The following MMP16 variants were observed in gnomAD, a reference collection of about 807,000 sequenced individuals.
MMP16 encodes matrix metallopeptidase 16.
A neutral mutation model predicts 67.8 loss-of-function variants in MMP16; 12 were observed. The observed-to-expected ratio is 0.18, with a 90% CI of 0.11 to 0.29. The LOEUF (loss-of-function observed/expected upper bound fraction) is 0.29, where lower values mean the gene tolerates loss of function less well. Among genes scored for constraint, MMP16 ranks in the 10% least tolerant of loss-of-function variants. The probability of loss-of-function intolerance (pLI) is 1.00; values close to 1 mark genes in which losing one functional copy is unlikely to be tolerated. For missense variants in MMP16, 475 were observed against 765.7 expected (o/e 0.62, Z 4.48); for synonymous variants, 249 against 255.9 (o/e 0.97, Z 0.26).
chr8:88,279,020 G>A (rs562341386), intron 1 of MMP16, among the ~76,000 whole-genome samples: 19 of 152,084 alleles, frequency 1.2e-4, no homozygotes, highest in African/African-American at 2.9e-4. Context: ...TCAAGAGATC[G>A]AGACCATCCT....
chr8:88,149,843 C>T (rs1168541870), intron 4 of MMP16, among the ~76,000 whole-genome samples: 27 of 150,334 alleles, frequency 1.8e-4, no homozygotes, highest in African/African-American at 5.1e-4. Context: ...TCACCAGCAA[C>T]GGAACAAAGC....
chr8:88,177,652 T>G (rs981781694), intron 3 of MMP16, among the ~76,000 whole-genome samples: 3 of 152,308 alleles, frequency 2.0e-5, no homozygotes, highest in African/African-American at 7.2e-5. Context: ...TTCTCCATAA[T>G]AAACGCCAGT....
chr8:88,193,471 G>A lies in MMP16; in HGVS notation c.281+3687C>T, dbSNP rs888945255. 2.0e-5 allele frequency among the ~76,000 whole-genome samples: 3 copies of A among 152,090 alleles called. 1 individual carries two copies. Among genetic ancestry groups the A allele is most frequent in the Admixed American group, 2.0e-4 (3 of 15,252 alleles). The stretch of plus-strand genomic sequence containing the variant: ...AGGGAGGTGGGGATAAAGAGAAGGG[G>A]TGGCTAATGGGTACAAAATGTAGTT... On this transcript the variant is annotated intron_variant, in intron 2 of 9. Coordinates refer to ENST00000286614, the MANE Select transcript of MMP16 (RefSeq NM_005941.5).
Position 88,041,411 on chromosome 8 carries a change from C to T in MMP16, c.*50G>A. 1.2e-5 allele frequency: 18 copies of T among 1,552,104 alleles called. No homozygotes were observed. The highest frequency in any genetic ancestry group is 1.5e-5 in the Non-Finnish European group (17 of 1,140,986). ...GCATAACAGCTCTTGTCTTGAATCTCAAGTTACCACAAACTCCTGCAAAAG... is the reference window on the plus strand; with the variant it reads ...GCATAACAGCTCTTGTCTTGAATCTTAAGTTACCACAAACTCCTGCAAAAG... On this transcript the variant is annotated 3_prime_UTR_variant, in exon 10 of 10. Coordinates refer to ENST00000286614, the MANE Select transcript of MMP16 (RefSeq NM_005941.5). This position sits in a 1 kb window ranked among gnomAD's most constrained non-coding sequence, Gnocchi z 6.0.
chr8:88,296,305 A>T (rs1811012652), intron 1 of MMP16, among the ~76,000 whole-genome samples: 1 of 152,216 alleles, frequency 6.6e-6, no homozygotes, highest in African/African-American at 2.4e-5. Context: ...TTAATTGACA[A>T]ATAATAATTG....
In MMP16 at chr8:88,183,651, A is replaced by G. The variant is rs536404429; in HGVS notation, c.404+2825T>C. On this transcript the variant is annotated intron_variant, in intron 3 of 9. Coordinates refer to ENST00000286614, the MANE Select transcript of MMP16 (RefSeq NM_005941.5). The stretch of plus-strand genomic sequence containing the variant: ...TACCAACCTTTTATATGTGAACTAT[A>G]TAACGAAAGTGTAGTATTTATTTTC... Among the ~76,000 whole-genome samples the G allele has an allele frequency of 8.6e-5, 13 of 151,586 alleles. No homozygotes were observed. In the East Asian group the frequency reaches 2.3e-3, roughly 27 times the overall value.
intron 1 of MMP16, among the ~76,000 whole-genome samples, chr8:88,290,279 A>G (rs77013547): frequency 0.14 from 21,381 of 152,072 alleles, 2,076 homozygotes; most frequent in African/African-American, 0.26. Flanking sequence ...TGGGCCAGGC[A>G]CGGTGGCTCA....
intron 8 of MMP16, among the ~76,000 whole-genome samples, chr8:88,047,969 A>T (rs1371711389): frequency 6.6e-6 from 1 of 152,200 alleles, no homozygotes; most frequent in East Asian, 1.9e-4. Context: ...TTAAAGGAAG[A>T]GCCAAAGGAC....
intron 7 of MMP16, among the ~76,000 whole-genome samples, chr8:88,072,061 AC>A (rs966788716): frequency 6.6e-6 from 1 of 152,144 alleles, no homozygotes; most frequent in Non-Finnish European, 1.5e-5. Flanking sequence ...TGGTACGTGC[AC>A]AAGTTATGCA....
At chr8:88,092,477 T>C (rs78235971) in intron 6 of MMP16, among the ~76,000 whole-genome samples, 2 of 151,904 alleles carry the variant, frequency 1.3e-5, no homozygotes, top group East Asian at 3.9e-4. Context: ...AATTTGTTAA[T>C]GTCTCAAGTA....
At chr8:88,237,657 GAACAAC>G (rs202098880) in intron 1 of MMP16, among the ~76,000 whole-genome samples, 2 of 88,344 alleles carry the variant, frequency 2.3e-5, no homozygotes, top group African/African-American at 6.7e-5. Context: ...TCAAAAAACA[GAACAAC>G]AACAACAACA....
chr8:88,305,471 A>G (rs1445032935), intron 1 of MMP16, among the ~76,000 whole-genome samples: 39 of 152,204 alleles, frequency 2.6e-4, no homozygotes, highest in Admixed American at 2.6e-3. Context: ...TCTCCACCCC[A>G]AAACAACAGA....
chr8:88,290,261 G>A (rs1012217552), intron 1 of MMP16, among the ~76,000 whole-genome samples: 1 of 151,980 alleles, frequency 6.6e-6, no homozygotes, highest in Non-Finnish European at 1.5e-5. Flanking sequence ...CTTAAAAATT[G>A]ACCTTATTGG....
At chr8:88,268,846 A>G (rs1554590232) in intron 1 of MMP16, among the ~76,000 whole-genome samples, 1 of 151,354 alleles carries the variant, frequency 6.6e-6, no homozygotes, top group South Asian at 2.1e-4. Context: ...TTAACTTTCT[A>G]TTCACTCTTC....
chr8:88,047,551 T>A (rs1344174131), intron 8 of MMP16, among the ~76,000 whole-genome samples: 1 of 152,028 alleles, frequency 6.6e-6, no homozygotes, highest in Non-Finnish European at 1.5e-5. Flanking sequence ...CATGCAGTCT[T>A]TGGGAGAAGA....
intron 3 of MMP16, among the ~76,000 whole-genome samples, chr8:88,181,861 T>A (rs890975776): frequency 3.9e-5 from 6 of 151,924 alleles, no homozygotes; most frequent in Non-Finnish European, 8.8e-5. Context: ...CAAAAATTGA[T>A]CACCACAAAT....
intron 4 of MMP16, among the ~76,000 whole-genome samples, chr8:88,125,918 G>C (rs1232004313): frequency 6.6e-6 from 1 of 151,802 alleles, no homozygotes; most frequent in Non-Finnish European, 1.5e-5. Context: ...GTGCAAAAGA[G>C]ATCAACTTCA....
intron 5 of MMP16, among the ~76,000 whole-genome samples, chr8:88,117,424 C>T (rs1194148862): frequency 6.6e-6 from 1 of 152,070 alleles, no homozygotes; most frequent in African/African-American, 2.4e-5. Context: ...TCAAGAGATT[C>T]ATGTTTTTAA....
intron 6 of MMP16, among the ~76,000 whole-genome samples, chr8:88,089,669 G>A (rs1586145297): frequency 1.3e-5 from 2 of 151,956 alleles, no homozygotes; most frequent in African/African-American, 2.4e-5. Context: ...ATTGTGCTAT[G>A]TCTAAGGGGA....
Sources: allele counts gnomAD v4.1 joint callset (sites outside exome capture counted in the v4.1 genomes callset), GRCh38; gene constraint gnomAD v4.1.1; non-coding constraint Gnocchi (gnomAD v3.1); transcripts MANE v1.5; gene names NCBI Gene and HGNC (gene_info 2026-07-23, HGNC 2026-07-21).